Variants in CCDC178 observed in about 807,000 individuals in gnomAD.
CCDC178 encodes the protein coiled-coil domain-containing protein 178.
CCDC178 carries 126 observed loss-of-function variants against 117.4 expected under a neutral mutation model. The ratio of observed to expected loss-of-function variants is 1.07; its 90% CI spans 0.93 to 1.24. CCDC178 has a LOEUF of 1.24. Ranked by LOEUF, CCDC178 falls within the 50% of genes most tolerant of loss-of-function variation. CCDC178 has a pLI of 0.00. For synonymous variants in CCDC178, 283 were observed against 313.4 expected (o/e 0.90, Z 1.02); for missense variants, 1,030 against 986.9 (o/e 1.04, Z -0.59).
intron 21 of CCDC178, among the ~76,000 whole-genome samples, chr18:33,055,488 C>T (rs983459239): frequency 6.6e-6 from 1 of 152,056 alleles, no homozygotes; most frequent in African/African-American, 2.4e-5. Context: ...AGGTGCACGC[C>T]ACCATGCCCC....
chr18:33,082,056 A>C (rs552763169), intron 21 of CCDC178, among the ~76,000 whole-genome samples: 1 of 152,342 alleles, frequency 6.6e-6, no homozygotes, highest in East Asian at 1.9e-4. Context: ...CTTGAAGTCC[A>C]TTTCAAGAAA....
chr18:33,275,897 G>A (rs990655076), intron 12 of CCDC178, among the ~76,000 whole-genome samples: 3 of 151,750 alleles, frequency 2.0e-5, no homozygotes, highest in African/African-American at 4.8e-5. Context: ...TTTGTTTACT[G>A]TTTAAAAGAG....
At chr18:33,249,667 G>A (rs1321561803) in intron 14 of CCDC178, among the ~76,000 whole-genome samples, 1 of 152,036 alleles carries the variant, frequency 6.6e-6, no homozygotes, top group Non-Finnish European at 1.5e-5. Flanking sequence ...TTTGGTTACT[G>A]TAGCCTTGTA....
intron 3 of CCDC178, among the ~76,000 whole-genome samples, chr18:33,398,283 C>G (rs2063666376): frequency 6.6e-6 from 1 of 151,714 alleles, no homozygotes; most frequent in Non-Finnish European, 1.5e-5. Context: ...AAATTATATT[C>G]CATGATAAGA....
intron 20 of CCDC178, among the ~76,000 whole-genome samples, chr18:33,100,770 A>T (rs2057614272): frequency 6.6e-6 from 1 of 152,030 alleles, no homozygotes; most frequent in Non-Finnish European, 1.5e-5. Flanking sequence ...TCCTCCTATA[A>T]CTATTGAATA....
At chr18:33,318,225 T>G (rs2062447066) in intron 11 of CCDC178, among the ~76,000 whole-genome samples, 2 of 152,216 alleles carry the variant, frequency 1.3e-5, no homozygotes, top group Non-Finnish European at 2.9e-5. Context: ...TAACACTCAC[T>G]TTTGGTTTTG....
chr18:33,081,664 T>A (rs186998759), intron 21 of CCDC178, among the ~76,000 whole-genome samples: 1 of 152,194 alleles, frequency 6.6e-6, no homozygotes, highest in Non-Finnish European at 1.5e-5. Flanking sequence ...TATCTTTCTT[T>A]AAAATATTTT....
At chr18:33,193,460 T>C (rs2058887736) in intron 20 of CCDC178, among the ~76,000 whole-genome samples, 1 of 152,222 alleles carries the variant, frequency 6.6e-6, no homozygotes, top group East Asian at 1.9e-4. Context: ...ATTCACATAG[T>C]AGACATTTTA....
At chr18:33,359,590 CATT>C (rs2063099928) in intron 6 of CCDC178, among the ~76,000 whole-genome samples, 1 of 151,566 alleles carries the variant, frequency 6.6e-6, no homozygotes. Context: ...CACTTTAAAT[CATT>C]ATTTTAAATA....
chr18:32,939,772 T>C (rs1267038954), intron 22 of CCDC178, among the ~76,000 whole-genome samples: 1 of 152,146 alleles, frequency 6.6e-6, no homozygotes, highest in Non-Finnish European at 1.5e-5. Context: ...TCAGCATCCA[T>C]GAGTTCCGGC....
At chr18:33,175,776 C>G (rs2058657853) in intron 20 of CCDC178, among the ~76,000 whole-genome samples, 1 of 152,114 alleles carries the variant, frequency 6.6e-6, no homozygotes, top group Non-Finnish European at 1.5e-5. Flanking sequence ...CAGTGACACC[C>G]CTGTCTCTGC....
At chr18:33,303,462 T>C (rs1451437221) in intron 11 of CCDC178, among the ~76,000 whole-genome samples, 1 of 152,200 alleles carries the variant, frequency 6.6e-6, no homozygotes, top group East Asian at 1.9e-4. Context: ...ATGTACATCA[T>C]GAGTGAGCTC....
chr18:32,940,311 A>C (rs76567144), intron 22 of CCDC178, among the ~76,000 whole-genome samples: 1,958 of 152,142 alleles, frequency 0.013, 49 homozygotes, highest in African/African-American at 0.044. Flanking sequence ...GTCATATATT[A>C]AAATATATCT....
intron 21 of CCDC178, among the ~76,000 whole-genome samples, chr18:33,073,675 T>A (rs182967100): frequency 2.2e-4 from 34 of 152,294 alleles, no homozygotes; most frequent in Non-Finnish European, 3.4e-4. Context: ...CATCTAGTAA[T>A]TGCAAAAATA....
chr18:32,974,694 G>C lies in CCDC178; in HGVS notation c.2389-13C>G, dbSNP rs752873388. On this transcript the variant is annotated splice_polypyrimidine_tract_variant and intron_variant, in intron 21 of 22. Transcript: ENST00000383096. ...GCAGCTGACAGAGCTAAAGGGAAGA[G>C]GGAGGGGAGAAAACACAAGTCAGAG... 2 of 1,611,062 alleles carry C rather than the reference G, an allele frequency of 1.2e-6. No individual in the cohort carries two copies. The highest frequency in any genetic ancestry group is 1.7e-6 in the Non-Finnish European group (2 of 1,179,400).
At chr18:33,390,761 G>A (rs1284926629) in intron 4 of CCDC178, among the ~76,000 whole-genome samples, 5 of 151,802 alleles carry the variant, frequency 3.3e-5, no homozygotes, top group African/African-American at 1.2e-4. Context: ...TTATCAAAAT[G>A]TATTAAATTA....
intron 5 of CCDC178, among the ~76,000 whole-genome samples, chr18:33,375,629 C>T (rs543720776): frequency 9.9e-5 from 15 of 152,084 alleles, no homozygotes; most frequent in East Asian, 1.9e-4. Flanking sequence ...AGAAAGGCTA[C>T]GGAAGAAAAG....
At position 33,159,159 on chromosome 18, in the gene CCDC178, A is replaced by C. The variant is rs144784320; in HGVS notation, c.2238+52737T>G. On this transcript the variant is annotated intron_variant, in intron 20 of 22. Coordinates refer to ENST00000383096, the MANE Select transcript of CCDC178 (RefSeq NM_001105528.4). ...ATACATTTTTGGGCCATTTTCTGGC[A>C]TATGTAATTAACGGCAAAAGTGTAA... is the stretch of plus-strand genomic sequence containing the variant. 2.2e-3 allele frequency among the ~76,000 whole-genome samples: 335 copies of C among 152,222 alleles called. 2 individuals are homozygous for C. The highest frequency in any genetic ancestry group is 7.6e-3 in the African/African-American group (314 of 41,582).
At chr18:33,278,022 T>A (rs934312553) in intron 12 of CCDC178, among the ~76,000 whole-genome samples, 3 of 151,934 alleles carry the variant, frequency 2.0e-5, no homozygotes, top group Non-Finnish European at 4.4e-5. Flanking sequence ...TACATTCACC[T>A]CCTCTGAGGG....
Sources: allele counts gnomAD v4.1 joint callset (sites outside exome capture counted in the v4.1 genomes callset), GRCh38; gene constraint gnomAD v4.1.1; transcripts MANE v1.5; gene names NCBI Gene and HGNC (gene_info 2026-07-23, HGNC 2026-07-21).